Variants in RUNDC3B observed in about 807,000 individuals in gnomAD.
RUNDC3B encodes RUN domain containing 3B.
In RUNDC3B, 33 loss-of-function variants were observed where a neutral mutation model predicts 58.4. The observed-to-expected ratio is 0.56, with a 90% confidence interval of 0.43 to 0.75. The LOEUF (loss-of-function observed/expected upper bound fraction) is 0.75, where lower values mean the gene tolerates loss of function less well. Among genes scored for constraint, RUNDC3B ranks in the 30% least tolerant of loss-of-function variants. The probability of loss-of-function intolerance (pLI) is 0.00; values close to 1 mark genes in which losing one functional copy is unlikely to be tolerated. For synonymous variants in RUNDC3B, 193 were observed against 195.2 expected (o/e 0.99, Z 0.10); for missense variants, 501 against 535.7 (o/e 0.94, Z 0.64).
chr7:87,690,547 C>T (rs535268334), intron 2 of RUNDC3B, among the ~76,000 whole-genome samples: 1 of 152,054 alleles, frequency 6.6e-6, no homozygotes, highest in African/African-American at 2.4e-5. Context: ...ATATATAGTA[C>T]TACATTTTAA....
rs1838119970 is a variant in RUNDC3B at position 87,831,344 on chromosome 7, G to A, written c.*1314G>A. ...GCTGAGGTTACCACATTCATTCTTT[G>A]TGTTAGAAATGTAGGAGTGTGGTGG... On this transcript the variant is annotated 3_prime_UTR_variant, in exon 11 of 11. Transcript: ENST00000394654. 6.6e-6 allele frequency: 1 copy of A among 151,780 alleles called. No individual in the cohort carries two copies. Among genetic ancestry groups the A allele is most frequent in the Non-Finnish European group, 1.5e-5 (1 of 67,824 alleles). The allele number at this position is 151,780 out of a possible 1,614,324, so 9.4% of individuals were successfully genotyped here.
intron 4 of RUNDC3B, among the ~76,000 whole-genome samples, chr7:87,732,929 C>T (rs919631220): frequency 6.6e-6 from 1 of 152,112 alleles, no homozygotes; most frequent in Admixed American, 6.5e-5. Flanking sequence ...CTTTCCATAA[C>T]GTATGATTAA....
chr7:87,791,519 C>G (rs1415863382), intron 8 of RUNDC3B, among the ~76,000 whole-genome samples: 1 of 151,892 alleles, frequency 6.6e-6, no homozygotes, highest in Non-Finnish European at 1.5e-5. Flanking sequence ...AAGAATTTTT[C>G]AAGACATAGT....
At chr7:87,759,633 CA>C (rs772224503) in intron 6 of RUNDC3B, among the ~76,000 whole-genome samples, 9 of 151,284 alleles carry the variant, frequency 5.9e-5, no homozygotes, top group Admixed American at 1.3e-4. Context: ...TCTGTGACTA[CA>C]AAAAAAATTA....
intron 8 of RUNDC3B, among the ~76,000 whole-genome samples, chr7:87,778,685 G>C (rs879919185): frequency 1.6e-4 from 25 of 152,120 alleles, no homozygotes; most frequent in Non-Finnish European, 3.4e-4. Flanking sequence ...TCACTAAGCA[G>C]AGTTTAGGAT....
chr7:87,697,263 A>G (rs1350155658), intron 2 of RUNDC3B, among the ~76,000 whole-genome samples: 1 of 152,072 alleles, frequency 6.6e-6, no homozygotes. Context: ...TCCCTTGCCT[A>G]TTTCTCTGAC....
rs753126044 is a variant in RUNDC3B, at chr7:87,816,192, G to C, written c.1155G>C (p.Gln385His). The C allele has an allele frequency of 1.4e-5, 23 of 1,609,012 alleles. No individual in the cohort carries two copies. Among genetic ancestry groups the C allele is most frequent in the Non-Finnish European group, 2.0e-5 (23 of 1,175,758 alleles). ...TATCAGCAGAAGTTAGCCTTTCTCA[G>C]ACTTCACTAGATCCAGGCCAGTCAC... Reference protein sequence around the residue: ...DQLSAEVSLSQTSLDPGQSQE... With the variant: ...DQLSAEVSLSHTSLDPGQSQE... Residue 385 changes from glutamine to histidine, a missense_variant, in exon 10 of 11, where the codon CAG (glutamine) becomes CAC (histidine). Gln to His is a conservative substitution (Grantham distance 24, BLOSUM62 0). Coordinates refer to ENST00000394654, the MANE Select transcript of RUNDC3B (RefSeq NM_001134405.2).
Position 87,693,503 on chromosome 7 carries a change from A to T in RUNDC3B, c.239-6918A>T, listed in dbSNP as rs138937016. Among the ~76,000 whole-genome samples, 1,510 of 152,184 alleles carry T rather than the reference A, an allele frequency of 9.9e-3. 22 individuals are homozygous for T. The highest frequency in any genetic ancestry group is 0.034 in the African/African-American group (1,397 of 41,528). ...GAGCCATATAGTTCCAAAGTGAGTG[A>T]TTTTTTTTCCTAACCAATCTTATAA... On this transcript the variant is annotated intron_variant, in intron 2 of 10. Transcript: ENST00000394654.
At chr7:87,686,233 G>C (rs955648707) in intron 2 of RUNDC3B, among the ~76,000 whole-genome samples, 2 of 151,994 alleles carry the variant, frequency 1.3e-5, no homozygotes, top group Non-Finnish European at 2.9e-5. Flanking sequence ...TGTGCTGGGG[G>C]CCCAGGATAT....
intron 4 of RUNDC3B, among the ~76,000 whole-genome samples, chr7:87,729,040 T>G (rs1254417164): frequency 6.6e-6 from 1 of 152,100 alleles, no homozygotes; most frequent in Non-Finnish European, 1.5e-5. Flanking sequence ...CATTTTTCCT[T>G]TTTAAAAATC....
chr7:87,748,467 G>C (rs985184549), intron 6 of RUNDC3B, among the ~76,000 whole-genome samples: 1 of 152,184 alleles, frequency 6.6e-6, no homozygotes, highest in East Asian at 1.9e-4. Flanking sequence ...AGGCTGCTCT[G>C]TCTAGAGCTG....
chr7:87,713,398 G>A (rs998881399), intron 4 of RUNDC3B: 2 of 152,134 alleles, frequency 1.3e-5, no homozygotes, highest in Non-Finnish European at 2.9e-5. Flanking sequence ...AAAACCCAAG[G>A]ATAAGTTTGG....
rs1834227896 is a variant in RUNDC3B, at chr7:87,770,654, G to A, written c.703G>A (p.Glu235Lys). 1 of 1,613,348 alleles carries A rather than the reference G, an allele frequency of 6.2e-7. No homozygotes were observed. Residue 235 changes from glutamate to lysine, a missense_variant, in exon 7 of 11, where the codon GAG (glutamate) becomes AAG (lysine). Glu to Lys is a moderately conservative substitution (Grantham distance 56). Coordinates refer to ENST00000394654, the MANE Select transcript of RUNDC3B (RefSeq NM_001134405.2). ...GSSGSESSTP[E>K]NVGPPFLMDE... is the part of the protein sequence containing the mutation. ...CAGTGGTAGCGAAAGCAGTACTCCAGAGAATGTCGGACCTCCTTTCCTCAT... is the reference window on the plus strand; with the variant it reads ...CAGTGGTAGCGAAAGCAGTACTCCAAAGAATGTCGGACCTCCTTTCCTCAT...
intron 4 of RUNDC3B, among the ~76,000 whole-genome samples, chr7:87,731,999 G>T (rs1433972965): frequency 6.6e-6 from 1 of 152,138 alleles, no homozygotes; most frequent in Admixed American, 6.5e-5. Context: ...TCATTTTGAA[G>T]GGTATGTTAT....
At chr7:87,795,743 G>A (rs1314408488) in intron 8 of RUNDC3B, among the ~76,000 whole-genome samples, 2 of 144,050 alleles carry the variant, frequency 1.4e-5, no homozygotes, top group Non-Finnish European at 3.0e-5. Context: ...AAAAAAAATA[G>A]CCAGGCATGG....
intron 7 of RUNDC3B, among the ~76,000 whole-genome samples, chr7:87,774,028 A>G (rs1041905342): frequency 1.3e-5 from 2 of 152,118 alleles, no homozygotes; most frequent in African/African-American, 2.4e-5. Flanking sequence ...CACAAATACC[A>G]AAGAAATGAT....
At chr7:87,730,361 G>C (rs1208172690) in intron 4 of RUNDC3B, among the ~76,000 whole-genome samples, 1 of 152,088 alleles carries the variant, frequency 6.6e-6, no homozygotes, top group Admixed American at 6.6e-5. Flanking sequence ...CTGACCTGAA[G>C]AGAGAGAATC....
intron 4 of RUNDC3B, 61 bp from the exon 5 acceptor site, chr7:87,739,730 C>A: frequency 2.7e-6 from 2 of 747,338 alleles, no homozygotes; most frequent in Admixed American, 4.4e-5. Flanking sequence ...TAAATGATTT[C>A]TCTCGATCAA....
intron 2 of RUNDC3B, among the ~76,000 whole-genome samples, chr7:87,692,723 G>T (rs1237844530): frequency 6.6e-6 from 1 of 152,086 alleles, no homozygotes; most frequent in East Asian, 1.9e-4. Flanking sequence ...TAAATATTAG[G>T]AATTAATGTT....
Sources: gnomAD v4.1 joint callset for allele counts (sites outside exome capture counted in the v4.1 genomes callset) on GRCh38, gnomAD v4.1.1 for gene constraint, MANE v1.5 for transcripts, NCBI Gene and HGNC (gene_info 2026-07-23, HGNC 2026-07-21) for gene names.